ZFPM2: variants seen among roughly 807,000 people sequenced by gnomAD.
ZFPM2 encodes zinc finger protein ZFPM2.
In ZFPM2, 20 loss-of-function variants were observed where a neutral mutation model predicts 98.6. The observed-to-expected ratio is 0.20, with a 90% CI of 0.14 to 0.29. The LOEUF (loss-of-function observed/expected upper bound fraction) is 0.29, where lower values mean the gene tolerates loss of function less well. Ranked by LOEUF, ZFPM2 falls within the 10% of genes least tolerant of loss-of-function variation. The pLI is 1.00. For synonymous variants in ZFPM2, 518 were observed against 502.7 expected, an observed-to-expected ratio of 1.03 and a Z score of -0.41; for missense variants, 1,310 against 1,388.6, an observed-to-expected ratio of 0.94 and a Z score of 0.90.
At chr8:105,782,800 G>T (rs553860182) in intron 5 of ZFPM2, among the ~76,000 whole-genome samples, 1 of 151,990 alleles carries the variant, frequency 6.6e-6, no homozygotes, top group African/African-American at 2.4e-5. Context: ...AATTCCATTT[G>T]TTTTCATATT....
At chr8:105,731,431 C>T (rs1684272443) in intron 5 of ZFPM2, among the ~76,000 whole-genome samples, 1 of 151,466 alleles carries the variant, frequency 6.6e-6, no homozygotes, top group Admixed American at 6.6e-5. Context: ...TTTGGATAAG[C>T]AGAAAAGAAA....
chr8:105,752,685 C>T (rs1331286827), intron 5 of ZFPM2, among the ~76,000 whole-genome samples: 5 of 152,224 alleles, frequency 3.3e-5, no homozygotes, highest in South Asian at 2.1e-4. Context: ...GGAGTGATTT[C>T]GGGAATTATG....
intron 4 of ZFPM2, among the ~76,000 whole-genome samples, chr8:105,606,863 T>A (rs1816207100): frequency 6.6e-6 from 1 of 152,122 alleles, no homozygotes; most frequent in Non-Finnish European, 1.5e-5. Context: ...TTTAGGATAT[T>A]CTGCCCATGG....
chr8:105,519,966 A>G (rs1814015575), intron 3 of ZFPM2, among the ~76,000 whole-genome samples: 1 of 152,168 alleles, frequency 6.6e-6, no homozygotes, highest in Non-Finnish European at 1.5e-5. Flanking sequence ...CTGGCCTAAA[A>G]TTCTCCAGTT....
intron 5 of ZFPM2, among the ~76,000 whole-genome samples, chr8:105,698,335 T>C (rs1304210508): frequency 6.6e-6 from 1 of 152,206 alleles, no homozygotes; most frequent in East Asian, 1.9e-4. Flanking sequence ...GTATCATCCA[T>C]GGTGAACACA....
intron 1 of ZFPM2, among the ~76,000 whole-genome samples, chr8:105,357,893 C>A (rs1175816315): frequency 6.6e-6 from 1 of 152,140 alleles, no homozygotes; most frequent in Non-Finnish European, 1.5e-5. Context: ...AATTACCCTT[C>A]CATAAATAGT....
Position 105,543,212 on chromosome 8 carries a change from G to A in ZFPM2, c.302-18151G>A, listed in dbSNP as rs1477473176. 4.6e-5 allele frequency among the ~76,000 whole-genome samples: 7 copies of A among 152,288 alleles called. No individual in the cohort carries two copies. The East Asian group carries it at 7.7e-4, about 17-fold the overall frequency. ...AGAGAAGCGAAATACAAGGCCGGGC[G>A]TGGTAGCTCACTCCTGTAATCCCAG... is the stretch of plus-strand genomic sequence containing the variant. On this transcript the variant is annotated intron_variant, in intron 3 of 7. Coordinates refer to ENST00000407775, the MANE Select transcript of ZFPM2 (RefSeq NM_012082.4).
intron 1 of ZFPM2, among the ~76,000 whole-genome samples, chr8:105,369,750 G>T (rs1810581605): frequency 6.6e-6 from 1 of 151,962 alleles, no homozygotes; most frequent in East Asian, 1.9e-4. Context: ...TAGGCCAAGA[G>T]TTTTTTCTTT....
chr8:105,333,652 T>G (rs148062969), intron 1 of ZFPM2, among the ~76,000 whole-genome samples: 1 of 151,790 alleles, frequency 6.6e-6, no homozygotes, highest in East Asian at 1.9e-4. Context: ...TGGTTTCTGA[T>G]AGCAAAAAAT....
At chr8:105,725,894 T>C (rs939758874) in intron 5 of ZFPM2, among the ~76,000 whole-genome samples, 1 of 151,718 alleles carries the variant, frequency 6.6e-6, no homozygotes, top group Non-Finnish European at 1.5e-5. Flanking sequence ...ATTGGGTCTA[T>C]GATTCAACCC....
chr8:105,765,710 G>A (rs1348155982), intron 5 of ZFPM2, among the ~76,000 whole-genome samples: 3 of 151,768 alleles, frequency 2.0e-5, no homozygotes, highest in Non-Finnish European at 1.5e-5. Flanking sequence ...GCATTTTAAG[G>A]CATTTTGTAA....
chr8:105,454,786 G>C (rs551975647), intron 3 of ZFPM2, among the ~76,000 whole-genome samples: 1 of 152,080 alleles, frequency 6.6e-6, no homozygotes, highest in African/African-American at 2.4e-5. Context: ...TAAATGCATC[G>C]TTCTCATTAT....
intron 5 of ZFPM2, among the ~76,000 whole-genome samples, chr8:105,682,638 G>A (rs1392979315): frequency 6.6e-6 from 1 of 152,098 alleles, no homozygotes; most frequent in Non-Finnish European, 1.5e-5. Context: ...ACGGAAATAA[G>A]TTAGAAAATT....
chr8:105,580,757 T>C (rs1461130722), intron 4 of ZFPM2, among the ~76,000 whole-genome samples: 6 of 151,142 alleles, frequency 4.0e-5, no homozygotes, highest in Non-Finnish European at 5.9e-5. Context: ...AGTCCTGACA[T>C]AGCGTGACTA....
intron 5 of ZFPM2, among the ~76,000 whole-genome samples, chr8:105,727,966 AACAAAAT>A: frequency 6.6e-6 from 1 of 151,590 alleles, no homozygotes; most frequent in African/African-American, 2.4e-5. Flanking sequence ...AAAAAAAAAA[AACAAAAT>A]CAAACAGCTC....
At chr8:105,707,062 GA>G (rs1811280904) in intron 5 of ZFPM2, among the ~76,000 whole-genome samples, 1 of 151,782 alleles carries the variant, frequency 6.6e-6, no homozygotes, top group Non-Finnish European at 1.5e-5. Context: ...GCAACATAAG[GA>G]GACCTCATCT....
intron 4 of ZFPM2, among the ~76,000 whole-genome samples, chr8:105,607,041 C>T (rs1816210913): frequency 6.6e-6 from 1 of 152,132 alleles, no homozygotes; most frequent in South Asian, 2.1e-4. Context: ...TCTAATAAAG[C>T]TCACACAGAT....
intron 5 of ZFPM2, among the ~76,000 whole-genome samples, chr8:105,707,409 C>G (rs1291445178): frequency 6.6e-6 from 1 of 152,096 alleles, no homozygotes; most frequent in African/African-American, 2.4e-5. Flanking sequence ...TGTGGGATGA[C>G]AAGCATAAAC....
At chr8:105,408,052 T>C (rs1006925422) in intron 1 of ZFPM2, among the ~76,000 whole-genome samples, 11 of 151,892 alleles carry the variant, frequency 7.2e-5, no homozygotes, top group African/African-American at 2.7e-4. Flanking sequence ...CTTGCTTTTA[T>C]TCTATTGTAG....
Sources: gnomAD v4.1 joint callset for allele counts (sites outside exome capture counted in the v4.1 genomes callset) on GRCh38, gnomAD v4.1.1 for gene constraint, MANE v1.5 for transcripts, NCBI Gene and HGNC (gene_info 2026-07-23, HGNC 2026-07-21) for gene names.